Variants in CDH4 observed in about 807,000 individuals in gnomAD.
CDH4 encodes the protein cadherin 4.
Under a neutral mutation model 86.0 loss-of-function variants are expected in CDH4, and 33 were observed. The observed-to-expected ratio is 0.38, with a 90% CI of 0.29 to 0.51. The LOEUF is 0.51. Among genes scored for constraint, CDH4 ranks in the 20% least tolerant of loss-of-function variants. The pLI, the probability that CDH4 is intolerant of heterozygous loss-of-function variation, is 0.86. For missense variants in CDH4, 1,114 were observed against 1,307.4 expected, an observed-to-expected ratio of 0.85 and a Z score of 2.28; for synonymous variants, 555 against 549.4, an observed-to-expected ratio of 1.01 and a Z score of -0.14.
chr20:61,554,882 T>TCA (rs2086164164), intron 2 of CDH4, among the ~76,000 whole-genome samples: 1 of 129,060 alleles, frequency 7.7e-6, no homozygotes, highest in African/African-American at 3.4e-5. Flanking sequence ...CTGAGTAAGC[T>TCA]CACGTTTTAC....
chr20:61,329,441 T>TTG (rs35019609), intron 2 of CDH4, among the ~76,000 whole-genome samples: 1 of 32,716 alleles, frequency 3.1e-5, no homozygotes. Flanking sequence ...GTCCTCATGG[T>TTG]CCCCCGTGGG....
At chr20:61,282,626 G>A (rs1337746508) in intron 2 of CDH4, among the ~76,000 whole-genome samples, 1 of 152,086 alleles carries the variant, frequency 6.6e-6, no homozygotes, top group African/African-American at 2.4e-5. Flanking sequence ...TGGTGTGTGT[G>A]TACACATGTA....
rs915269872 is a variant in CDH4, at chr20:61,371,810, C to T, written c.169+116873C>T. On this transcript the variant is annotated intron_variant, in intron 2 of 15. Transcript: ENST00000614565. ...GAACGGGCAAGAGTGTGCTGGTGCA[C>T]ATCTTGAAGGCAGATTTTGAATCTG... 3.3e-5 allele frequency among the ~76,000 whole-genome samples: 5 copies of T among 152,226 alleles called. No homozygotes were observed. In the East Asian group the frequency reaches 9.6e-4, roughly 29 times the overall value.
At chr20:61,317,862 G>T (rs1027881503) in intron 2 of CDH4, among the ~76,000 whole-genome samples, 9 of 152,216 alleles carry the variant, frequency 5.9e-5, no homozygotes, top group African/African-American at 2.2e-4. Context: ...TTCCTCAAGG[G>T]ACATGTCAGA....
chr20:61,585,660 G>T (rs539917995), intron 2 of CDH4, among the ~76,000 whole-genome samples: 28 of 150,206 alleles, frequency 1.9e-4, no homozygotes, highest in African/African-American at 6.3e-4. Flanking sequence ...TGATGGTGAT[G>T]GTGATTGTGA....
chr20:61,331,059 A>G (rs1413399252), intron 2 of CDH4, among the ~76,000 whole-genome samples: 1 of 151,986 alleles, frequency 6.6e-6, no homozygotes. Context: ...ACTCCCACTA[A>G]CACCTGTGCG....
intron 2 of CDH4, among the ~76,000 whole-genome samples, chr20:61,403,360 T>C (rs1174400897): frequency 1.1e-4 from 17 of 152,226 alleles, no homozygotes. Flanking sequence ...TCCTTCATAC[T>C]GAGTAACTTA....
intron 2 of CDH4, among the ~76,000 whole-genome samples, chr20:61,619,897 C>T (rs1190426340): frequency 2.6e-5 from 4 of 152,186 alleles, no homozygotes; most frequent in East Asian, 1.9e-4. Context: ...GCCTGACGGC[C>T]GAGCATCAGC....
intron 2 of CDH4, among the ~76,000 whole-genome samples, chr20:61,538,881 G>A (rs185979079): frequency 1.3e-5 from 2 of 152,372 alleles, no homozygotes; most frequent in East Asian, 1.9e-4. Context: ...CTCTTAGGAG[G>A]CTCTGATGTT....
At chr20:61,668,419 C>A (rs535934312) in intron 2 of CDH4, among the ~76,000 whole-genome samples, 4 of 152,206 alleles carry the variant, frequency 2.6e-5, no homozygotes, top group East Asian at 1.9e-4. Context: ...TGAGAACACA[C>A]GGTGAATCCA....
At chr20:61,695,148 T>C (rs1900741460) in intron 2 of CDH4, among the ~76,000 whole-genome samples, 1 of 152,234 alleles carries the variant, frequency 6.6e-6, no homozygotes, top group African/African-American at 2.4e-5. Context: ...ATTGGTAATG[T>C]TGATTCAGAA....
intron 2 of CDH4, among the ~76,000 whole-genome samples, chr20:61,569,253 A>G (rs552629891): frequency 6.6e-6 from 1 of 152,356 alleles, no homozygotes; most frequent in Non-Finnish European, 1.5e-5. Context: ...AGAACACTGC[A>G]CTGCACATAG....
intron 8 of CDH4, among the ~76,000 whole-genome samples, chr20:61,898,979 C>G (rs1028946984): frequency 1.3e-5 from 2 of 152,190 alleles, no homozygotes; most frequent in Admixed American, 6.5e-5. Flanking sequence ...AAAACCTTCT[C>G]AGCCCAGTTT....
At chr20:61,555,789 A>C (rs893219296) in intron 2 of CDH4, among the ~76,000 whole-genome samples, 2 of 152,220 alleles carry the variant, frequency 1.3e-5, no homozygotes, top group Admixed American at 6.5e-5. Context: ...TCATTTTTAG[A>C]AACAATTCAT....
At chr20:61,319,385 A>T (rs958546446) in intron 2 of CDH4, among the ~76,000 whole-genome samples, 3 of 152,074 alleles carry the variant, frequency 2.0e-5, no homozygotes, top group African/African-American at 7.2e-5. Context: ...GCAGGGCTAG[A>T]TCGCACTGTT....
chr20:61,731,441 T>C (rs1160620358), intron 2 of CDH4, among the ~76,000 whole-genome samples: 1 of 152,064 alleles, frequency 6.6e-6, no homozygotes, highest in East Asian at 1.9e-4. Flanking sequence ...GATGATCTCT[T>C]TGGAAAGTGC....
intron 3 of CDH4, among the ~76,000 whole-genome samples, chr20:61,769,589 C>T (rs1176362321): frequency 6.6e-6 from 1 of 152,218 alleles, no homozygotes; most frequent in East Asian, 1.9e-4. Flanking sequence ...GGGTCACACT[C>T]CTGGCGTCCG....
In CDH4 at chr20:61,853,434, C is replaced by T. The variant is rs73915112; in HGVS notation, c.877+536C>T. ...GAGGCCCGGACTCCCCCCACAGAGG[C>T]GATCCCATGTGACTGAGGCTGTCTG... is the stretch of plus-strand genomic sequence containing the variant. On this transcript the variant is annotated intron_variant, in intron 6 of 15. Transcript: ENST00000614565. 9.8e-3 allele frequency among the ~76,000 whole-genome samples: 1,487 copies of T among 152,272 alleles called. 28 individuals carry two copies. The highest frequency in any genetic ancestry group is 0.034 in the African/African-American group (1,423 of 41,554).
At chr20:61,414,104 C>T (rs561223213) in intron 2 of CDH4, among the ~76,000 whole-genome samples, 3 of 152,374 alleles carry the variant, frequency 2.0e-5, no homozygotes, top group South Asian at 4.1e-4. Context: ...ACCCCAGTGA[C>T]CCCATTTCAC....
Sources: gnomAD v4.1 joint callset for allele counts (sites outside exome capture counted in the v4.1 genomes callset) on GRCh38, gnomAD v4.1.1 for gene constraint, MANE v1.5 for transcripts, NCBI Gene and HGNC (gene_info 2026-07-23, HGNC 2026-07-21) for gene names.